Variants in STT3B observed in about 807,000 individuals in gnomAD.
STT3B encodes dolichyl-diphosphooligosaccharide--protein glycosyltransferase subunit STT3B.
STT3B carries 29 observed loss-of-function variants against 96.8 expected under a neutral mutation model. The ratio of observed to expected loss-of-function variants is 0.30; its 90% confidence interval spans 0.22 to 0.41. The LOEUF is 0.41. Ranked by LOEUF, STT3B falls within the 10% of genes least tolerant of loss-of-function variation. STT3B has a pLI of 1.00. For synonymous variants in STT3B, 367 were observed against 360.0 expected (o/e 1.02, Z -0.22); for missense variants, 640 against 1,022.3 (o/e 0.63, Z 5.10).
At chr3:31,615,945 A>G (rs1699298063) in intron 6 of STT3B, among the ~76,000 whole-genome samples, 2 of 151,602 alleles carry the variant, frequency 1.3e-5, no homozygotes, top group South Asian at 2.1e-4. Context: ...TTTTGCGACT[A>G]CTCCTTTAGT....
rs935601300 is a variant in STT3B, at chr3:31,619,771, G to A, written c.1268G>A (p.Cys423Tyr). The A allele has an allele frequency of 5.6e-6, 9 of 1,613,760 alleles. No individual in the cohort carries two copies. Among genetic ancestry groups the A allele is most frequent in the Non-Finnish European group, 7.6e-6 (9 of 1,179,910 alleles). ...SFFFDLHILVCTFPAGLWFCI... is the reference protein window; with the variant it reads ...SFFFDLHILVYTFPAGLWFCI... ...TTCTTTGATCTACATATTCTTGTAT[G>A]TACCTTCCCAGCAGGCCTTTGGTTC... is the stretch of plus-strand genomic sequence containing the variant. Residue 423 changes from cysteine to tyrosine, a missense_variant, in exon 9 of 16, where the codon TGT becomes TAT. Around this residue, in one of 8 missense-constraint regions of STT3B, gnomAD observed 33 missense variants for 43.1 expected, o/e 0.77. Coordinates refer to ENST00000295770, the MANE Select transcript of STT3B (RefSeq NM_178862.3).
chr3:31,541,464 C>CTTTTTTTTTTTTTTTTT (rs1318453174), intron 1 of STT3B, among the ~76,000 whole-genome samples: 1 of 118,682 alleles, frequency 8.4e-6, no homozygotes, highest in South Asian at 2.7e-4. Flanking sequence ...CTTTTTTTTT[C>CTTTTTTTTTTTTTTTTT]TTTTTTTGTT....
chr3:31,592,989 A>T (rs1208175413), intron 3 of STT3B, among the ~76,000 whole-genome samples: 1 of 152,134 alleles, frequency 6.6e-6, no homozygotes, highest in African/African-American at 2.4e-5. Flanking sequence ...AAAAAGCAGC[A>T]ATCAGTGAGC....
At chr3:31,539,494 T>A (rs1416766328) in intron 1 of STT3B, among the ~76,000 whole-genome samples, 3 of 152,132 alleles carry the variant, frequency 2.0e-5, no homozygotes, top group Non-Finnish European at 4.4e-5. Context: ...CAAAGTCTGT[T>A]CCTCTTACCA....
Position 31,600,416 on chromosome 3 carries a change from T to G in STT3B, c.834T>G (p.Phe278Leu), listed in dbSNP as rs1698903748. 6.3e-7 allele frequency: 1 copy of G among 1,599,994 alleles called. No homozygotes were observed. ...TCAATCTTATTCCACTGCATGTATT[T>G]GTGTTGTTACTGATGCAGAGATACA... The part of the protein sequence containing the change: ...FIINLIPLHV[F>L]VLLLMQRYSK... The change falls in exon 5 of 16, where the codon TTT becomes TTG. Residue 278 changes from phenylalanine to leucine, a missense_variant. By Grantham distance (22) the Phe-to-Leu change is conservative. Transcript: ENST00000295770.
chr3:31,563,063 C>G (rs185346178), intron 1 of STT3B, among the ~76,000 whole-genome samples: 19 of 152,154 alleles, frequency 1.2e-4, no homozygotes, highest in African/African-American at 4.6e-4. Flanking sequence ...ATAAGCCACT[C>G]CAGCCTCCTA....
rs1699324226 is a variant in STT3B, at chr3:31,617,184, T to TC, written c.1123+109_1123+110insC. ...ACAGCATGACTACAAAGTGATTTTT[T>TC]TCTTTTTTTTTTTTTTTGAATAGTA... is the stretch of plus-strand genomic sequence containing the variant. On this transcript the variant is annotated intron_variant, in intron 7 of 15. Transcript: ENST00000295770. 4.2e-6 allele frequency: 3 copies of TC among 716,066 alleles called. No individual in the cohort carries two copies. In the South Asian group the frequency reaches 1.4e-4, roughly 33 times the overall value. 44.4% of individuals were successfully genotyped at this position (716,066 alleles called of 1,614,324 possible).
intron 1 of STT3B, among the ~76,000 whole-genome samples, chr3:31,547,946 G>C (rs1697455545): frequency 6.6e-6 from 1 of 152,144 alleles, no homozygotes; most frequent in African/African-American, 2.4e-5. Flanking sequence ...AGATTTCTTG[G>C]ATCTAATATT....
intron 6 of STT3B, among the ~76,000 whole-genome samples, chr3:31,615,451 A>T (rs1277638819): frequency 6.6e-6 from 1 of 151,930 alleles, no homozygotes; most frequent in Non-Finnish European, 1.5e-5. Flanking sequence ...CTATATAGAT[A>T]GCAATATATA....
intron 1 of STT3B, among the ~76,000 whole-genome samples, chr3:31,567,565 A>G (rs988006505): frequency 7.9e-5 from 12 of 152,276 alleles, no homozygotes; most frequent in African/African-American, 2.9e-4. Flanking sequence ...CTAATTATTA[A>G]TATTTCTTTC....
At chr3:31,624,892 A>C (rs1339584868) in intron 11 of STT3B, 22 bp from the exon 12 acceptor site, 1 of 1,590,808 alleles carries the variant, frequency 6.3e-7, no homozygotes. Flanking sequence ...CTCATTTAAA[A>C]GAGTATTGTG....
chr3:31,556,094 A>G (rs970312348), intron 1 of STT3B, among the ~76,000 whole-genome samples: 4 of 149,704 alleles, frequency 2.7e-5, no homozygotes, highest in Admixed American at 6.6e-5. Flanking sequence ...GTATCTGTCT[A>G]CCTCACTGAG....
At chr3:31,565,532 A>G (rs1697984328) in intron 1 of STT3B, among the ~76,000 whole-genome samples, 1 of 152,208 alleles carries the variant, frequency 6.6e-6, no homozygotes, top group East Asian at 1.9e-4. Context: ...TAGCTTACTG[A>G]GAAGAGTTCA....
chr3:31,587,695 C>T (rs1474040628), intron 3 of STT3B, among the ~76,000 whole-genome samples: 3 of 152,054 alleles, frequency 2.0e-5, no homozygotes, highest in Non-Finnish European at 4.4e-5. Flanking sequence ...TAATTTCTGT[C>T]TATGATGAAT....
At chr3:31,562,715 T>C (rs1294404893) in intron 1 of STT3B, among the ~76,000 whole-genome samples, 1 of 152,194 alleles carries the variant, frequency 6.6e-6, no homozygotes, top group African/African-American at 2.4e-5. Context: ...CTGTAAGCAA[T>C]GGAATTTGTC....
intron 1 of STT3B, among the ~76,000 whole-genome samples, chr3:31,571,325 A>G (rs777042611): frequency 2.0e-5 from 3 of 151,082 alleles, no homozygotes. Context: ...AAAGAGAAGC[A>G]AATAAGCCAG....
At chr3:31,597,932 T>C (rs1575433286) in intron 4 of STT3B, among the ~76,000 whole-genome samples, 1 of 151,096 alleles carries the variant, frequency 6.6e-6, no homozygotes, top group South Asian at 2.1e-4. Context: ...GCCTCCTGGG[T>C]TCAAGCTATT....
intron 3 of STT3B, among the ~76,000 whole-genome samples, chr3:31,583,024 CAAT>C (rs1181668600): frequency 1.3e-5 from 2 of 152,112 alleles, no homozygotes; most frequent in Non-Finnish European, 2.9e-5. Context: ...TGTCGTTATT[CAAT>C]AATGTGTTTT....
chr3:31,550,678 G>A (rs1277208371), intron 1 of STT3B, among the ~76,000 whole-genome samples: 1 of 152,134 alleles, frequency 6.6e-6, no homozygotes, highest in Non-Finnish European at 1.5e-5. Flanking sequence ...ACTCTCTCAT[G>A]AGTTTCCATA....
Sources: allele counts gnomAD v4.1 joint callset (sites outside exome capture counted in the v4.1 genomes callset), GRCh38; gene constraint gnomAD v4.1.1; regional missense constraint gnomAD v4.1.1; transcripts MANE v1.5; gene names NCBI Gene and HGNC (gene_info 2026-07-23, HGNC 2026-07-21).